The following SYN3 variants were observed in gnomAD, a reference collection of about 807,000 sequenced individuals.
The protein encoded by SYN3 is synapsin III.
SYN3 carries 35 observed loss-of-function variants against 65.8 expected under a neutral mutation model. That is an observed-to-expected ratio of 0.53 (90% CI 0.41 to 0.70). The LOEUF is 0.70. SYN3 is among the 30% of genes least tolerant of loss of function. The pLI is 0.00. For missense variants in SYN3, 680 were observed against 749.0 expected, an observed-to-expected ratio of 0.91 and a Z score of 1.08; for synonymous variants, 270 against 292.9, an observed-to-expected ratio of 0.92 and a Z score of 0.80.
At chr22:33,009,134 T>A (rs1300968264) in intron 1 of SYN3, among the ~76,000 whole-genome samples, 1 of 152,072 alleles carries the variant, frequency 6.6e-6, no homozygotes, top group South Asian at 2.1e-4. Context: ...GATCTTTTCT[T>A]TGGGAAAATA....
intron 6 of SYN3, among the ~76,000 whole-genome samples, chr22:32,759,117 T>C (rs1457472274): frequency 1.3e-5 from 2 of 152,120 alleles, no homozygotes; most frequent in Non-Finnish European, 2.9e-5. Context: ...GGTCGCCAGA[T>C]GGAAGAGACA....
At chr22:32,627,638 C>T (rs942616108) in intron 6 of SYN3, among the ~76,000 whole-genome samples, 7 of 152,054 alleles carry the variant, frequency 4.6e-5, no homozygotes, top group Admixed American at 3.9e-4. Flanking sequence ...GAGTATGAAG[C>T]TTTCATGCAT....
intron 6 of SYN3, among the ~76,000 whole-genome samples, chr22:32,628,679 C>T (rs768462779): frequency 3.3e-5 from 5 of 151,926 alleles, no homozygotes; most frequent in African/African-American, 7.3e-5. Context: ...ACCTAGGAGG[C>T]AGAGGTTGCA....
chr22:32,901,568 G>A (rs1345367521), intron 4 of SYN3, among the ~76,000 whole-genome samples: 3 of 152,138 alleles, frequency 2.0e-5, no homozygotes, highest in Admixed American at 2.0e-4. Context: ...CAAGCATCCT[G>A]CTTCACATAT....
intron 12 of SYN3, chr22:32,527,603 GAA>G (rs130455): frequency 7.1e-3 from 1,239 of 174,660 alleles, no homozygotes; most frequent in Middle Eastern, 0.021. Context: ...TGTCTCAAAA[GAA>G]AAAAAAAAAA....
chr22:33,025,433 C>CA (rs33919912), intron 1 of SYN3, among the ~76,000 whole-genome samples: 801 of 78,648 alleles, frequency 0.01, 16 homozygotes, highest in African/African-American at 0.032. Flanking sequence ...GACTCCGTCT[C>CA]AAAAAAAAAA....
At chr22:32,785,234 G>A (rs1054139270) in intron 6 of SYN3, among the ~76,000 whole-genome samples, 2 of 152,192 alleles carry the variant, frequency 1.3e-5, no homozygotes, top group African/African-American at 4.8e-5. Context: ...TGGCTCCTAA[G>A]TGATAGAGCC....
chr22:32,869,367 T>TCACACA (rs774518145), intron 4 of SYN3, among the ~76,000 whole-genome samples: 2 of 142,476 alleles, frequency 1.4e-5, no homozygotes, highest in African/African-American at 5.3e-5. Context: ...TCTCTCTCTC[T>TCACACA]CACAGGCTCT....
intron 6 of SYN3, among the ~76,000 whole-genome samples, chr22:32,684,080 T>C (rs760117312): frequency 3.9e-5 from 6 of 152,220 alleles, no homozygotes; most frequent in Non-Finnish European, 8.8e-5. Context: ...ATATGATGCA[T>C]AGATTCCCAA....
chr22:32,817,101 C>G (rs142539790), intron 6 of SYN3, among the ~76,000 whole-genome samples: 2 of 151,872 alleles, frequency 1.3e-5, no homozygotes, highest in Admixed American at 1.3e-4. Flanking sequence ...GCCTGTAGTC[C>G]CAGTTACTCT....
intron 6 of SYN3, among the ~76,000 whole-genome samples, chr22:32,701,433 A>G (rs74406464): frequency 0.059 from 8,897 of 151,928 alleles, 284 homozygotes; most frequent in African/African-American, 0.077. Flanking sequence ...ATAACCCATA[A>G]CCAGGAGAAA....
chr22:32,702,246 G>C (rs961760363), intron 6 of SYN3, among the ~76,000 whole-genome samples: 1 of 152,208 alleles, frequency 6.6e-6, no homozygotes, highest in Non-Finnish European at 1.5e-5. Context: ...GGGAGGCTGA[G>C]GCGGGTGGAT....
intron 6 of SYN3, among the ~76,000 whole-genome samples, chr22:32,832,709 A>C (rs981672632): frequency 6.7e-6 from 1 of 148,982 alleles, no homozygotes; most frequent in Non-Finnish European, 1.5e-5. Flanking sequence ...TATTGTGATA[A>C]TACTTAACAT....
intron 6 of SYN3, among the ~76,000 whole-genome samples, chr22:32,796,297 G>A (rs2046425978): frequency 6.6e-6 from 1 of 152,142 alleles, no homozygotes. Flanking sequence ...GATAACACAG[G>A]ATACAACATG....
At chr22:32,514,230 TTA>T (rs1446293313) in intron 13 of SYN3, among the ~76,000 whole-genome samples, 1 of 152,086 alleles carries the variant, frequency 6.6e-6, no homozygotes, top group African/African-American at 2.4e-5. Context: ...CAACATCAGG[TTA>T]TAGTTATTTC....
chr22:32,848,173 C>A (rs1288976723), intron 6 of SYN3, among the ~76,000 whole-genome samples: 1 of 152,180 alleles, frequency 6.6e-6, no homozygotes, highest in Non-Finnish European at 1.5e-5. Context: ...AAGTCAAGTC[C>A]TCTCCTCTTT....
At chr22:32,621,473 TC>T (rs2059593134) in intron 6 of SYN3, among the ~76,000 whole-genome samples, 1 of 151,954 alleles carries the variant, frequency 6.6e-6, no homozygotes, top group Non-Finnish European at 1.5e-5. Context: ...AAAAACCATC[TC>T]AGATGGAGGG....
In SYN3 at chr22:32,864,854, G is replaced by A. The variant is rs2048646456; in HGVS notation, c.711+61C>T. 6 of 1,477,066 alleles carry A rather than the reference G, an allele frequency of 4.1e-6. No homozygotes were observed. The South Asian group carries it at 6.8e-5, about 17-fold the overall frequency. 91.5% of individuals were successfully genotyped at this position (1,477,066 alleles called of 1,614,324 possible). ...ACCTCCTCCATCCAAAGAGACCGAG[G>A]ACAAGTCATCTGTATTCATTCCGCA... On this transcript the variant is annotated intron_variant, in intron 6 of 13. Coordinates refer to ENST00000358763, the MANE Select transcript of SYN3 (RefSeq NM_003490.4).
intron 6 of SYN3, among the ~76,000 whole-genome samples, chr22:32,717,146 T>C (rs1303883490): frequency 2.6e-5 from 4 of 152,132 alleles, no homozygotes; most frequent in Admixed American, 2.0e-4. Flanking sequence ...ATGAAGAAAC[T>C]GAGGTTAAGC....
Sources: allele counts gnomAD v4.1 joint callset (sites outside exome capture counted in the v4.1 genomes callset), GRCh38; gene constraint gnomAD v4.1.1; transcripts MANE v1.5; gene names NCBI Gene and HGNC (gene_info 2026-07-23, HGNC 2026-07-21).